CREB5: variants seen among roughly 807,000 people sequenced by gnomAD.
CREB5 encodes the protein cAMP responsive element binding protein 5.
In CREB5, 19 loss-of-function variants were observed where a neutral mutation model predicts 57.1. That is an observed-to-expected ratio of 0.33 (90% confidence interval 0.23 to 0.49). The LOEUF is 0.49. Ranked by LOEUF, CREB5 falls within the 20% of genes least tolerant of loss-of-function variation. CREB5 has a pLI of 0.99. For synonymous variants in CREB5, 238 were observed against 238.3 expected (o/e 1.00, Z 0.01); for missense variants, 579 against 671.6 (o/e 0.86, Z 1.52).
chr7:28,342,016 G>A (rs1785946757), intron 1 of CREB5, among the ~76,000 whole-genome samples: 2 of 152,130 alleles, frequency 1.3e-5, no homozygotes, highest in Non-Finnish European at 2.9e-5. Flanking sequence ...AAATGTGGTT[G>A]GAAGACAGAA....
intron 4 of CREB5, among the ~76,000 whole-genome samples, chr7:28,547,378 C>T (rs151238713): frequency 2.2e-4 from 33 of 152,244 alleles, no homozygotes; most frequent in African/African-American, 7.0e-4. Flanking sequence ...GTTTGAGCAT[C>T]TCTTCACGGA....
Position 28,324,257 on chromosome 7 carries a change from T to C in CREB5, c.-25+24816T>C, listed in dbSNP as rs562740759. ...CCTTCTAGCTTCTGCTCCATTTCTC[T>C]GTGCCCCTTCAGAGCAAACCTTCTT... On this transcript the variant is annotated intron_variant, in intron 1 of 9. Coordinates refer to the CREB5 transcript ENST00000396299. Among the ~76,000 whole-genome samples, 4 of 152,264 alleles carry C rather than the reference T, an allele frequency of 2.6e-5. No homozygotes were observed. The South Asian group carries it at 8.3e-4, about 32-fold the overall frequency.
intron 1 of CREB5, among the ~76,000 whole-genome samples, chr7:28,461,228 T>G (rs1790339797): frequency 1.0e-5 from 1 of 97,582 alleles, no homozygotes; most frequent in South Asian, 4.0e-4. Flanking sequence ...AGACTCTGCC[T>G]CTGAAAAAAA....
chr7:28,387,623 G>A (rs111933149), intron 1 of CREB5, among the ~76,000 whole-genome samples: 3 of 152,152 alleles, frequency 2.0e-5, no homozygotes, highest in African/African-American at 7.2e-5. Flanking sequence ...CACACGCTGG[G>A]GCCTGTCAGA....
intron 7 of CREB5, among the ~76,000 whole-genome samples, chr7:28,749,920 C>A (rs1690907015): frequency 1.4e-5 from 2 of 146,448 alleles, no homozygotes; most frequent in South Asian, 4.4e-4. Context: ...TCATTCTTGG[C>A]AACTGATAGT....
At chr7:28,393,489 C>T (rs1230025317) in intron 1 of CREB5, among the ~76,000 whole-genome samples, 1 of 152,296 alleles carries the variant, frequency 6.6e-6, no homozygotes, top group African/African-American at 2.4e-5. Flanking sequence ...TCCTAATTAC[C>T]TGTCCTATGT....
chr7:28,531,353 C>T (rs1793720557), intron 4 of CREB5, among the ~76,000 whole-genome samples: 1 of 152,108 alleles, frequency 6.6e-6, no homozygotes, highest in African/African-American at 2.4e-5. Context: ...TCCAAGCCTC[C>T]CTCCTGGCTT....
chr7:28,406,473 G>A (rs1262986400), intron 1 of CREB5, among the ~76,000 whole-genome samples: 1 of 152,222 alleles, frequency 6.6e-6, no homozygotes, highest in Non-Finnish European at 1.5e-5. Flanking sequence ...TTCTGTGGAG[G>A]GAAATGGGAT....
At chr7:28,424,819 G>T (rs1453922752) in intron 1 of CREB5, among the ~76,000 whole-genome samples, 1 of 152,204 alleles carries the variant, frequency 6.6e-6, no homozygotes, top group African/African-American at 2.4e-5. Context: ...AAATGTTTCA[G>T]TGTGGGAAGG....
intron 1 of CREB5, among the ~76,000 whole-genome samples, chr7:28,395,645 C>G (rs1227839152): frequency 1.3e-5 from 2 of 152,124 alleles, no homozygotes; most frequent in Admixed American, 6.5e-5. Context: ...GGATATGCTC[C>G]AATTACAGAG....
chr7:28,412,809 C>T lies in CREB5; in HGVS notation c.-106C>T. 1 of 1,067,676 alleles carries T rather than the reference C, an allele frequency of 9.4e-7. No individual in the cohort carries two copies. 66.1% of individuals were successfully genotyped at this position (1,067,676 alleles called of 1,614,324 possible). On this transcript the variant is annotated 5_prime_UTR_variant, in exon 1 of 11. Transcript: ENST00000357727. ...GAGGCAAATACTCAAGACTTATTTT[C>T]TTCCTAATCTTGCTGGTGAAACAGA...
At chr7:28,407,901 G>A (rs947045057), upstream of CREB5, among the ~76,000 whole-genome samples, 1 of 152,234 alleles carries the variant, frequency 6.6e-6, no homozygotes, top group Non-Finnish European at 1.5e-5. Context: ...TGGTTGTGAT[G>A]CATTGGGATG....
At chr7:28,800,101 A>G (rs1005227316) in intron 7 of CREB5, among the ~76,000 whole-genome samples, 4 of 152,224 alleles carry the variant, frequency 2.6e-5, no homozygotes, top group African/African-American at 9.6e-5. Flanking sequence ...GTTGATGAAT[A>G]TTAATTAAAT....
chr7:28,309,393 T>C (rs564449648), intron 1 of CREB5, among the ~76,000 whole-genome samples: 140 of 152,288 alleles, frequency 9.2e-4, no homozygotes, highest in Middle Eastern at 3.4e-3. Context: ...CTCTTTTCTC[T>C]TGATGCCATA....
At chr7:28,740,582 T>C (rs1804274576) in intron 7 of CREB5, among the ~76,000 whole-genome samples, 1 of 152,338 alleles carries the variant, frequency 6.6e-6, no homozygotes, top group East Asian at 1.9e-4. Context: ...AAAAAAATTA[T>C]AGCCTGTGCT....
intron 1 of CREB5, among the ~76,000 whole-genome samples, chr7:28,316,578 T>C (rs887128136): frequency 6.6e-6 from 1 of 152,012 alleles, no homozygotes; most frequent in Non-Finnish European, 1.5e-5. Flanking sequence ...CTGCCATCCA[T>C]TGGGCATCTC....
chr7:28,470,390 G>A (rs1790756363), intron 1 of CREB5, among the ~76,000 whole-genome samples: 1 of 152,042 alleles, frequency 6.6e-6, no homozygotes, highest in African/African-American at 2.4e-5. Flanking sequence ...CCATATTGTT[G>A]CAAATGACTG....
At chr7:28,339,501 T>A (rs1446747822) in intron 1 of CREB5, among the ~76,000 whole-genome samples, 1 of 152,184 alleles carries the variant, frequency 6.6e-6, no homozygotes, top group Non-Finnish European at 1.5e-5. Context: ...TCTCTCTCTA[T>A]GGGCTGAGCT....
At chr7:28,486,510 TA>T (rs1383202745) in intron 1 of CREB5, among the ~76,000 whole-genome samples, 1 of 150,984 alleles carries the variant, frequency 6.6e-6, no homozygotes, top group East Asian at 1.9e-4. Context: ...GTGTGCACAG[TA>T]GAAGTAGTAG....
Sources: gnomAD v4.1 joint callset for allele counts (sites outside exome capture counted in the v4.1 genomes callset) on GRCh38, gnomAD v4.1.1 for gene constraint, MANE v1.5 for transcripts, NCBI Gene and HGNC (gene_info 2026-07-23, HGNC 2026-07-21) for gene names.